DDC: variants seen among roughly 807,000 people sequenced by gnomAD.
The protein encoded by DDC is dopa decarboxylase, also known as aromatic-L-amino-acid decarboxylase.
DDC carries 43 observed loss-of-function variants against 60.0 expected under a neutral mutation model. That is an observed-to-expected ratio of 0.72 (90% confidence interval 0.56 to 0.92). The LOEUF (loss-of-function observed/expected upper bound fraction) is 0.92. Among genes scored for constraint, DDC ranks in the 40% least tolerant of loss-of-function variants. DDC has a pLI of 0.00. For missense variants in DDC, 573 were observed against 620.2 expected (o/e 0.92, Z 0.81); for synonymous variants, 232 against 234.6 (o/e 0.99, Z 0.10).
At chr7:50,473,290 C>G (rs552471441) in intron 11 of DDC, among the ~76,000 whole-genome samples, 1 of 152,126 alleles carries the variant, frequency 6.6e-6, no homozygotes. Context: ...CACCAGGGCC[C>G]TGAGGCTGCT....
chr7:50,562,599 G>A (rs1241206414), intron 1 of DDC, among the ~76,000 whole-genome samples: 3 of 152,178 alleles, frequency 2.0e-5, no homozygotes, highest in Non-Finnish European at 4.4e-5. Context: ...CTTGCCCCTG[G>A]CAATGCACCC....
Position 50,530,113 on chromosome 7 carries a change from A to T in DDC, c.436-771T>A, listed in dbSNP as rs11575329. Among the ~76,000 whole-genome samples, 1,010 of 152,184 alleles carry T rather than the reference A, an allele frequency of 6.6e-3. 13 individuals carry two copies. Among genetic ancestry groups the T allele is most frequent in the African/African-American group, 0.023 (968 of 41,510 alleles). ...ATCTATAAAAATACAAAAATTAGCC[A>T]GGCATGGTGGCGTGCCTGGTAGTCC... On this transcript the variant is annotated intron_variant, in intron 4 of 14. Transcript: ENST00000444124.
chr7:50,512,647 TTTGA>T (rs1237606912), intron 6 of DDC, among the ~76,000 whole-genome samples: 2 of 152,202 alleles, frequency 1.3e-5, no homozygotes, highest in Non-Finnish European at 2.9e-5. Flanking sequence ...GAGTCTGCAC[TTTGA>T]TTGTTGATTG....
In DDC at chr7:50,544,042, T is replaced by TCCA; in HGVS notation, c.41_43dup (p.Val14dup). 1 of 1,614,178 alleles carries TCCA rather than the reference T, an allele frequency of 6.2e-7. No homozygotes were observed. The highest frequency in any genetic ancestry group is 8.5e-7 in the Non-Finnish European group (1 of 1,180,024). ...GCCTTCCATGTAGTTGGCCATGTAA[T>TCCA]CCACCATCTCCTTCCCTCTCCTTCG... is the stretch of plus-strand genomic sequence containing the variant. On this transcript the variant is annotated inframe_insertion, in exon 2 of 15. Coordinates refer to ENST00000444124, the MANE Select transcript of DDC (RefSeq NM_001082971.2).
intron 6 of DDC, among the ~76,000 whole-genome samples, chr7:50,511,052 T>TACACAC (rs377138071): frequency 0.16 from 22,022 of 138,660 alleles, 1,853 homozygotes; most frequent in East Asian, 0.31. Flanking sequence ...GATATATCTA[T>TACACAC]ACACACACAC....
intron 12 of DDC, among the ~76,000 whole-genome samples, chr7:50,469,263 A>ATTT (rs1562982442): frequency 7.8e-5 from 11 of 140,582 alleles, no homozygotes; most frequent in African/African-American, 3.0e-4. Flanking sequence ...TTTAAAAAAA[A>ATTT]AAAAAAAAAA....
At chr7:50,555,524 G>T (rs949064330) in intron 1 of DDC, among the ~76,000 whole-genome samples, 1 of 152,060 alleles carries the variant, frequency 6.6e-6, no homozygotes, top group African/African-American at 2.4e-5. Flanking sequence ...ACACAATAAA[G>T]CCAGGGCACC....
At chr7:50,487,127 G>T (rs181336479) in intron 9 of DDC, among the ~76,000 whole-genome samples, 1 of 152,334 alleles carries the variant, frequency 6.6e-6, no homozygotes, top group Non-Finnish European at 1.5e-5. Flanking sequence ...GATATGTCAT[G>T]TGGAAATAAT....
chr7:50,564,260 A>T (rs1344687314), intron 1 of DDC: 1 of 152,250 alleles, frequency 6.6e-6, no homozygotes, highest in East Asian at 1.9e-4. Flanking sequence ...CACAGGGAGC[A>T]AGGCTGAATG....
At chr7:50,543,582 T>C (rs2044703575) in intron 2 of DDC, 2 of 433,178 alleles carry the variant, frequency 4.6e-6, no homozygotes, top group Non-Finnish European at 8.6e-6. Flanking sequence ...GAGGACACGC[T>C]CTATGTACCG....
intron 6 of DDC, among the ~76,000 whole-genome samples, chr7:50,523,636 T>C (rs2043958074): frequency 6.6e-6 from 1 of 152,150 alleles, no homozygotes; most frequent in Non-Finnish European, 1.5e-5. Context: ...TACACATCTA[T>C]TAGAATGGAT....
intron 10 of DDC, 45 bp downstream of exon 10, chr7:50,479,742 G>A (rs759081023): frequency 5.8e-6 from 9 of 1,560,054 alleles, no homozygotes; most frequent in South Asian, 2.2e-5. Flanking sequence ...GCTCTGAGGG[G>A]AACAAGACCA....
intron 9 of DDC, among the ~76,000 whole-genome samples, chr7:50,482,906 A>G (rs1199804887): frequency 1.3e-5 from 2 of 152,218 alleles, no homozygotes; most frequent in Non-Finnish European, 2.9e-5. Flanking sequence ...TCTTTTATTA[A>G]TAATACTTTG....
chr7:50,481,433 C>T (rs2042765890), intron 9 of DDC, among the ~76,000 whole-genome samples: 1 of 152,046 alleles, frequency 6.6e-6, no homozygotes, highest in Admixed American at 6.6e-5. Flanking sequence ...AAAGAGGGGA[C>T]CAAGAGGGAT....
chr7:50,560,859 C>A (rs1332901931), intron 1 of DDC, among the ~76,000 whole-genome samples: 1 of 152,166 alleles, frequency 6.6e-6, no homozygotes, highest in African/African-American at 2.4e-5. Context: ...ACACTGAATG[C>A]TCAGCTGTCC....
At chr7:50,551,928 G>A (rs994258725) in intron 1 of DDC, among the ~76,000 whole-genome samples, 1 of 152,082 alleles carries the variant, frequency 6.6e-6, no homozygotes, top group East Asian at 1.9e-4. Flanking sequence ...GCAAGCTGAA[G>A]ACTCAGAAGG....
Position 50,558,077 on chromosome 7 carries a change from ACCC to A in DDC, c.-29+7205_-29+7207del, listed in dbSNP as rs60312959. 6.3e-3 allele frequency among the ~76,000 whole-genome samples: 929 copies of A among 148,138 alleles called. 14 individuals carry two copies. The highest frequency in any genetic ancestry group is 7.8e-3 in the Non-Finnish European group (517 of 66,604). ...TGTCAGAAGAAACTTTTCAGAAATC[ACCC>A]CCCCCCTTACAAATTTTTTCCCTTA... On this transcript the variant is annotated intron_variant, in intron 1 of 14. Transcript: ENST00000444124.
At chr7:50,495,451 T>G (rs755743152) in intron 8 of DDC, 34 bp from the exon 9 acceptor site, 2 of 1,512,156 alleles carry the variant, frequency 1.3e-6, no homozygotes, top group Non-Finnish European at 1.8e-6. Context: ...AAAGAAAACA[T>G]TTTCTTTATA....
intron 8 of DDC, among the ~76,000 whole-genome samples, chr7:50,497,665 C>T (rs531301238): frequency 6.6e-6 from 1 of 152,314 alleles, no homozygotes; most frequent in East Asian, 1.9e-4. Context: ...CAGCTGGGTA[C>T]TGGCATCACA....
Sources: gnomAD v4.1 joint callset for allele counts (sites outside exome capture counted in the v4.1 genomes callset) on GRCh38, gnomAD v4.1.1 for gene constraint, MANE v1.5 for transcripts, NCBI Gene and HGNC (gene_info 2026-07-23, HGNC 2026-07-21) for gene names.